Variants in XPNPEP3 observed in about 807,000 individuals in gnomAD.
XPNPEP3 encodes X-prolyl aminopeptidase 3.
Under a neutral mutation model 60.0 loss-of-function variants are expected in XPNPEP3, and 41 were observed. The ratio of observed to expected loss-of-function variants is 0.68; its 90% CI spans 0.53 to 0.89. XPNPEP3 has a LOEUF of 0.89. Among genes scored for constraint, XPNPEP3 ranks in the 40% least tolerant of loss-of-function variants. The pLI is 0.00. For synonymous variants in XPNPEP3, 212 were observed against 223.2 expected, an observed-to-expected ratio of 0.95 and a Z score of 0.45; for missense variants, 598 against 638.9, an observed-to-expected ratio of 0.94 and a Z score of 0.69.
In XPNPEP3 at chr22:40,906,676, A is replaced by G. The variant is rs186248955; in HGVS notation, c.793-911A>G. On this transcript the variant is annotated intron_variant, in intron 4 of 9. Coordinates refer to ENST00000357137, the MANE Select transcript of XPNPEP3 (RefSeq NM_022098.4). ...GGGAAACGTTGCTATAGACTAGGCC[A>G]TTCAATCCATAATTTCATACATGGG... Among the ~76,000 whole-genome samples the G allele has an allele frequency of 7.2e-5, 11 of 152,340 alleles. No individual in the cohort carries two copies. In the East Asian group the frequency reaches 1.9e-3, roughly 27 times the overall value.
chr22:40,903,670 A>ACCT (rs2058143471), intron 4 of XPNPEP3, among the ~76,000 whole-genome samples: 1 of 151,898 alleles, frequency 6.6e-6, no homozygotes, highest in South Asian at 2.1e-4. Flanking sequence ...TTGTATTTTT[A>ACCT]GTAGAGACAG....
At chr22:40,903,924 A>G (rs1243092039) in intron 4 of XPNPEP3, among the ~76,000 whole-genome samples, 2 of 150,864 alleles carry the variant, frequency 1.3e-5, no homozygotes, top group African/African-American at 4.9e-5. Flanking sequence ...GTTTCATGAA[A>G]TGGTTTGTGA....
In XPNPEP3 at chr22:40,929,943, T is replaced by G. The variant is rs758667737; in HGVS notation, c.*3508T>G. ...AAATATTTCTTAAAATTCTTAAAAT[T>G]TAGGTTAAAGTTTGCTGGTCTCTTA... On this transcript the variant is annotated 3_prime_UTR_variant, in exon 10 of 10. Transcript: ENST00000357137. The G allele has an allele frequency of 3.9e-5, 6 of 152,282 alleles. No individual in the cohort carries two copies. Among genetic ancestry groups the G allele is most frequent in the Admixed American group, 1.3e-4 (2 of 15,282 alleles). The allele number at this position is 152,282 out of a possible 1,614,324, so 9.4% of individuals were successfully genotyped here.
At chr22:40,864,144 T>A (rs1778559570) in intron 1 of XPNPEP3, among the ~76,000 whole-genome samples, 1 of 152,262 alleles carries the variant, frequency 6.6e-6, no homozygotes, top group Admixed American at 6.5e-5. Flanking sequence ...CCCATTTTTA[T>A]GGTTATTTCT....
rs766748505 is a variant in XPNPEP3, at chr22:40,857,148, C to T, written c.-34C>T. The T allele has an allele frequency of 6.2e-6, 10 of 1,613,268 alleles. No individual in the cohort carries two copies. The highest frequency in any genetic ancestry group is 1.1e-5 in the South Asian group (1 of 90,966). On this transcript the variant is annotated 5_prime_UTR_variant, in exon 1 of 10. Coordinates refer to ENST00000357137, the MANE Select transcript of XPNPEP3 (RefSeq NM_022098.4). ...GGCGGTTGCGTTCCCCGTCGTTACCCTCTTTCTCTTCCCGACGCGTGAGTT... is the reference window on the plus strand; with the variant it reads ...GGCGGTTGCGTTCCCCGTCGTTACCTTCTTTCTCTTCCCGACGCGTGAGTT...
Position 40,932,646 on chromosome 22 carries a change from G to C in XPNPEP3, c.*6211G>C, listed in dbSNP as rs1365516833. 1 of 152,084 alleles carries C rather than the reference G, an allele frequency of 6.6e-6. No individual in the cohort carries two copies. Among genetic ancestry groups the C allele is most frequent in the African/African-American group, 2.4e-5 (1 of 41,410 alleles). The allele number at this position is 152,084 out of a possible 1,614,324, so 9.4% of individuals were successfully genotyped here. A position where few individuals can be genotyped will look rare whatever the true frequency, so the allele number is the denominator to read the frequency against. ...TCTGAGAAAACTTCAATCTTTACCAGCATTTCTTAATGCTTTCCATGACTT... is the reference window on the plus strand; with the variant it reads ...TCTGAGAAAACTTCAATCTTTACCACCATTTCTTAATGCTTTCCATGACTT... On this transcript the variant is annotated 3_prime_UTR_variant, in exon 10 of 10. Transcript: ENST00000357137.
intron 4 of XPNPEP3, among the ~76,000 whole-genome samples, chr22:40,888,727 A>G (rs1407839337): frequency 1.3e-5 from 2 of 150,972 alleles, no homozygotes; most frequent in Non-Finnish European, 2.9e-5. Context: ...TCCATTTGGT[A>G]TATACACACA....
intron 4 of XPNPEP3, among the ~76,000 whole-genome samples, chr22:40,893,456 GAT>G (rs1220688131): frequency 2.4e-5 from 3 of 123,930 alleles, no homozygotes; most frequent in Admixed American, 9.8e-5. Flanking sequence ...AGTCAGCCGA[GAT>G]AGCGCCATTG....
intron 7 of XPNPEP3, among the ~76,000 whole-genome samples, chr22:40,920,715 C>G (rs2058213212): frequency 6.6e-6 from 1 of 152,142 alleles, no homozygotes; most frequent in South Asian, 2.1e-4. Flanking sequence ...TACCATTATC[C>G]CACACCATAA....
At chr22:40,889,700 A>G (rs1230359204) in intron 4 of XPNPEP3, among the ~76,000 whole-genome samples, 5 of 152,170 alleles carry the variant, frequency 3.3e-5, no homozygotes, top group Non-Finnish European at 1.5e-5. Context: ...ATTGTGGCAT[A>G]TGCCTGTAGT....
rs766397782 is a variant in XPNPEP3 at position 40,886,427 on chromosome 22, G to A, written c.704G>A (p.Gly235Asp). 6.8e-6 allele frequency: 11 copies of A among 1,614,196 alleles called. No individual in the cohort carries two copies. The highest frequency in any genetic ancestry group is 1.6e-4 in the Middle Eastern group (1 of 6,062). Residue 235 changes from glycine (G) to aspartate (D), a missense_variant, in exon 4 of 10, where the codon GGT becomes GAT. By Grantham distance (94) the Gly-to-Asp change is moderately conservative. Coordinates refer to ENST00000357137, the MANE Select transcript of XPNPEP3 (RefSeq NM_022098.4). ...GCCAAGAGCAAGAACAAGGTTCGGG[G>A]TGTTCAGCAGCTGATACAGCGCCTC... ...AKAKSKNKVR[G>D]VQQLIQRLRL... is the part of the protein sequence containing the mutation.
chr22:40,882,588 G>A (rs1431595136), intron 3 of XPNPEP3, among the ~76,000 whole-genome samples: 2 of 151,680 alleles, frequency 1.3e-5, no homozygotes, highest in Non-Finnish European at 2.9e-5. Context: ...AGTGATCCGA[G>A]ATCATGCCAC....
rs140342992 is a variant in XPNPEP3, at chr22:40,897,140, G to T, written c.793-10447G>T. ...TCCGCCGGGTTCACGCCATTCTCCT[G>T]CCTCAGCCTCCTGAGTAGCTGGGAC... On this transcript the variant is annotated intron_variant, in intron 4 of 9. Transcript: ENST00000357137. Among the ~76,000 whole-genome samples the T allele has an allele frequency of 8.8e-3, 1,287 of 146,158 alleles. 12 individuals carry two copies. Among genetic ancestry groups the T allele is most frequent in the Middle Eastern group, 0.016 (4 of 256 alleles).
chr22:40,907,779 GAAATATC>G, intron 5 of XPNPEP3, 130 bp downstream of exon 5: 1 of 901,072 alleles, frequency 1.1e-6, no homozygotes, highest in South Asian at 1.4e-5. Context: ...ATTTGGTTCT[GAAATATC>G]ACTGGTCATT....
At chr22:40,905,913 TC>T (rs2058153198) in intron 4 of XPNPEP3, among the ~76,000 whole-genome samples, 2 of 152,034 alleles carry the variant, frequency 1.3e-5, no homozygotes, top group Admixed American at 1.3e-4. Flanking sequence ...TGTCCCAGCC[TC>T]CTGAGTAGCT....
At chr22:40,875,741 C>T (rs572597200) in intron 2 of XPNPEP3, among the ~76,000 whole-genome samples, 10 of 151,612 alleles carry the variant, frequency 6.6e-5, no homozygotes, top group Non-Finnish European at 1.5e-4. Flanking sequence ...TGGCTGGGCA[C>T]GGTGTCTCAC....
Position 40,929,857 on chromosome 22 carries a change from A to G in XPNPEP3, c.*3422A>G, listed in dbSNP as rs1048566482. ...TTTCCCTTTAGTAATTTTTTAATACAGAGAATGCTATTAACTGTTACTGGA... is the reference window on the plus strand; with the variant it reads ...TTTCCCTTTAGTAATTTTTTAATACGGAGAATGCTATTAACTGTTACTGGA... On this transcript the variant is annotated 3_prime_UTR_variant, in exon 10 of 10. Transcript: ENST00000357137. 5 of 152,214 alleles carry G rather than the reference A, an allele frequency of 3.3e-5. No homozygotes were observed. The South Asian group carries it at 1.0e-3, about 31-fold the overall frequency. 9.4% of individuals were successfully genotyped at this position (152,214 alleles called of 1,614,324 possible).
In XPNPEP3 at chr22:40,901,754, T is replaced by C. The variant is rs868269644; in HGVS notation, c.793-5833T>C. 5.3e-5 allele frequency among the ~76,000 whole-genome samples: 8 copies of C among 152,118 alleles called. No homozygotes were observed. In the South Asian group the frequency reaches 1.7e-3, roughly 32 times the overall value. On this transcript the variant is annotated intron_variant, in intron 4 of 9. Coordinates refer to ENST00000357137, the MANE Select transcript of XPNPEP3 (RefSeq NM_022098.4). ...TGCTGGGACTACAGGCGTGAGCCAC[T>C]GCGCCCGGCTATATGACTCCATTTA...
chr22:40,892,311 A>G (rs2058091420), intron 4 of XPNPEP3, among the ~76,000 whole-genome samples: 1 of 152,168 alleles, frequency 6.6e-6, no homozygotes, highest in South Asian at 2.1e-4. Context: ...CAGCCTCCCA[A>G]ATAGCTGGGA....
Sources: allele counts gnomAD v4.1 joint callset (sites outside exome capture counted in the v4.1 genomes callset), GRCh38; gene constraint gnomAD v4.1.1; transcripts MANE v1.5; gene names NCBI Gene and HGNC (gene_info 2026-07-23, HGNC 2026-07-21).